The following SEMA3A variants were observed in gnomAD, a reference collection of about 807,000 sequenced individuals.
SEMA3A encodes the protein semaphorin-3A.
A neutral mutation model predicts 97.9 loss-of-function variants in SEMA3A; 29 were observed. The ratio of observed to expected loss-of-function variants is 0.30; its 90% confidence interval spans 0.22 to 0.40. SEMA3A has a LOEUF of 0.40. Ranked by LOEUF, SEMA3A falls within the 10% of genes least tolerant of loss-of-function variation. SEMA3A has a pLI of 1.00. For missense variants in SEMA3A, 763 were observed against 951.3 expected, an observed-to-expected ratio of 0.80 and a Z score of 2.60; for synonymous variants, 321 against 323.7, an observed-to-expected ratio of 0.99 and a Z score of 0.09.
At chr7:84,210,019 T>G (rs1798588133) in intron 3 of SEMA3A, among the ~76,000 whole-genome samples, 1 of 152,206 alleles carries the variant, frequency 6.6e-6, no homozygotes, top group Admixed American at 6.5e-5. Flanking sequence ...ATGTTCAATT[T>G]ACATTATTTT....
intron 1 of SEMA3A, among the ~76,000 whole-genome samples, chr7:84,171,627 T>A (rs1376009056): frequency 1.3e-5 from 2 of 152,138 alleles, no homozygotes; most frequent in African/African-American, 4.8e-5. Context: ...TTCATATAAG[T>A]TTCTACAAAT....
intron 4 of SEMA3A, among the ~76,000 whole-genome samples, chr7:84,078,682 A>G (rs889289341): frequency 2.0e-5 from 3 of 152,066 alleles, no homozygotes; most frequent in Non-Finnish European, 4.4e-5. Flanking sequence ...ATAGTATCAT[A>G]AATCTCCATA....
intron 1 of SEMA3A, among the ~76,000 whole-genome samples, chr7:84,147,011 T>G (rs1443730840): frequency 6.6e-6 from 1 of 152,208 alleles, no homozygotes; most frequent in African/African-American, 2.4e-5. Flanking sequence ...TGCTCAATTA[T>G]TTACTGTAAC....
intron 1 of SEMA3A, among the ~76,000 whole-genome samples, chr7:84,381,906 A>G (rs1283365215): frequency 6.6e-6 from 1 of 152,154 alleles, no homozygotes; most frequent in Non-Finnish European, 1.5e-5. Context: ...AAGTTTGAGG[A>G]CTTACTTGAT....
At chr7:84,070,159 C>T (rs1478772574) in intron 4 of SEMA3A, among the ~76,000 whole-genome samples, 1 of 152,122 alleles carries the variant, frequency 6.6e-6, no homozygotes, top group African/African-American at 2.4e-5. Context: ...ATGAATAAAA[C>T]TTTAGCTATA....
At chr7:84,277,761 A>G (rs1404941566) in intron 3 of SEMA3A, among the ~76,000 whole-genome samples, 1 of 152,126 alleles carries the variant, frequency 6.6e-6, no homozygotes, top group East Asian at 1.9e-4. Flanking sequence ...CCTGGCTCAC[A>G]AAAGCATTCT....
chr7:84,347,523 T>G (rs895476289), intron 2 of SEMA3A, among the ~76,000 whole-genome samples: 1 of 151,564 alleles, frequency 6.6e-6, no homozygotes, highest in African/African-American at 2.4e-5. Flanking sequence ...GTAATTCTCC[T>G]GCCTCAGCCT....
intron 1 of SEMA3A, among the ~76,000 whole-genome samples, chr7:84,376,445 C>T (rs1048930246): frequency 2.8e-5 from 4 of 140,646 alleles, no homozygotes; most frequent in Non-Finnish European, 6.2e-5. Flanking sequence ...TACTAAAAAA[C>T]ACAAAAAAAT....
intron 1 of SEMA3A, among the ~76,000 whole-genome samples, chr7:84,441,072 C>T (rs1329376861): frequency 6.6e-6 from 1 of 152,022 alleles, no homozygotes; most frequent in Non-Finnish European, 1.5e-5. Context: ...GCAGGAGAAT[C>T]ACTTGAACCC....
At chr7:84,367,551 G>A (rs544816686) in intron 2 of SEMA3A, among the ~76,000 whole-genome samples, 1 of 150,678 alleles carries the variant, frequency 6.6e-6, no homozygotes, top group Non-Finnish European at 1.5e-5. Flanking sequence ...TGGTGATCTA[G>A]TATAGCTCCA....
At chr7:84,129,209 T>C (rs1795886647) in intron 2 of SEMA3A, 24 bp from the exon 3 acceptor site, 1 of 1,589,992 alleles carries the variant, frequency 6.3e-7, no homozygotes, top group Non-Finnish European at 8.6e-7. Context: ...ATAAACATTG[T>C]TTTATGTCAA....
At chr7:84,051,653 C>T (rs1792660978) in intron 5 of SEMA3A, among the ~76,000 whole-genome samples, 1 of 152,150 alleles carries the variant, frequency 6.6e-6, no homozygotes, top group African/African-American at 2.4e-5. Flanking sequence ...ATGTCGTCTG[C>T]AAACAGGGAC....
chr7:84,140,383 CCTT>C (rs1796262261), intron 1 of SEMA3A, among the ~76,000 whole-genome samples: 1 of 152,072 alleles, frequency 6.6e-6, no homozygotes, highest in Non-Finnish European at 1.5e-5. Flanking sequence ...GTATATTTGA[CCTT>C]CAAATCCAGA....
chr7:84,069,310 CA>C (rs2115744528), intron 4 of SEMA3A, among the ~76,000 whole-genome samples: 1 of 152,190 alleles, frequency 6.6e-6, no homozygotes, highest in East Asian at 1.9e-4. Context: ...CTGTAATAAG[CA>C]GATAAGAAAA....
intron 3 of SEMA3A, among the ~76,000 whole-genome samples, chr7:84,242,162 T>C (rs750381619): frequency 4.7e-4 from 72 of 152,194 alleles, no homozygotes; most frequent in Non-Finnish European, 9.0e-4. Context: ...CTAATTCTGT[T>C]AAGAAAGTCA....
chr7:84,330,401 A>G (rs993629277), intron 2 of SEMA3A, among the ~76,000 whole-genome samples: 2 of 152,068 alleles, frequency 1.3e-5, no homozygotes, highest in Non-Finnish European at 2.9e-5. Flanking sequence ...CTTTGAAACA[A>G]TTTTAAAAAG....
intron 1 of SEMA3A, among the ~76,000 whole-genome samples, chr7:84,407,980 A>C (rs71637478): frequency 0.14 from 21,481 of 152,170 alleles, 3,109 homozygotes; most frequent in African/African-American, 0.36. Context: ...GGACATAAGC[A>C]TGGGCAAGGA....
intron 5 of SEMA3A, among the ~76,000 whole-genome samples, chr7:84,051,501 G>T (rs2115621181): frequency 6.6e-6 from 1 of 152,120 alleles, no homozygotes; most frequent in East Asian, 1.9e-4. Context: ...TCATGATTTG[G>T]CTCTCTGTTT....
At chr7:84,456,390 G>A (rs537126844) in intron 1 of SEMA3A, among the ~76,000 whole-genome samples, 1 of 151,550 alleles carries the variant, frequency 6.6e-6, no homozygotes, top group African/African-American at 2.4e-5. Flanking sequence ...ATCAATAAAG[G>A]AGTCATTCAT....
Sources: gnomAD v4.1 joint callset for allele counts (sites outside exome capture counted in the v4.1 genomes callset) on GRCh38, gnomAD v4.1.1 for gene constraint, MANE v1.5 for transcripts, NCBI Gene and HGNC (gene_info 2026-07-23, HGNC 2026-07-21) for gene names.